Variants in COL5A3 observed in about 807,000 individuals in gnomAD.
COL5A3 encodes collagen type V alpha 3 chain.
In COL5A3, 172 loss-of-function variants were observed where a neutral mutation model predicts 250.0. The ratio of observed to expected loss-of-function variants is 0.69; its 90% CI spans 0.61 to 0.78. The LOEUF is 0.78. Ranked by LOEUF, COL5A3 falls within the 30% of genes least tolerant of loss-of-function variation. The pLI is 0.00. For missense variants in COL5A3, 2,340 were observed against 2,334.4 expected (o/e 1.00, Z -0.05); for synonymous variants, 937 against 900.4 (o/e 1.04, Z -0.73).
At chr19:9,986,967 G>A (rs1179145440) in intron 27 of COL5A3, among the ~76,000 whole-genome samples, 1 of 152,188 alleles carries the variant, frequency 6.6e-6, no homozygotes, top group African/African-American at 2.4e-5. Flanking sequence ...GGGGTGTGCA[G>A]GGAAGGCCAA....
chr19:9,980,448 A>G (rs1294199614), intron 35 of COL5A3, among the ~76,000 whole-genome samples, 200 bp downstream of exon 35: 1 of 151,952 alleles, frequency 6.6e-6, no homozygotes, highest in Admixed American at 6.6e-5. Context: ...TTCAGCTTCC[A>G]ACTCCTGGGC....
rs1158942839 is a variant in COL5A3, at chr19:9,968,647, G to A, written c.4206+28C>T. ...GGAGGGAAAGAGGGGAGGAGATGGG[G>A]AAGAGAATAATGGAATGATGTCCTT... On this transcript the variant is annotated intron_variant, in intron 58 of 66. Transcript: ENST00000264828. The surrounding 1 kb of genome is among the most constrained non-coding windows in gnomAD (Gnocchi z 4.1). 16 of 1,607,458 alleles carry A rather than the reference G, an allele frequency of 1.0e-5. No homozygotes were observed. Among genetic ancestry groups the A allele is most frequent in the African/African-American group, 1.3e-5 (1 of 74,954 alleles).
At position 9,973,913 on chromosome 19, in the gene COL5A3, T is replaced by G. The variant is rs1599538533; in HGVS notation, c.3558+6A>C. ...TGAGCCTTCCTGGCCCCCCAAGAGT[T>G]CTCACCTCTGATCCAGTGGGGCCTT... On this transcript the variant is annotated splice_donor_region_variant and intron_variant, in intron 48 of 66. Coordinates refer to ENST00000264828, the MANE Select transcript of COL5A3 (RefSeq NM_015719.4). The G allele has an allele frequency of 7.0e-6, 11 of 1,581,090 alleles. No individual in the cohort carries two copies. The East Asian group carries it at 2.3e-4, about 32-fold the overall frequency.
rs911151476 is a variant in COL5A3, at chr19:9,962,723, C to A, written c.4851+96G>T. 29 of 935,716 alleles carry A rather than the reference C, an allele frequency of 3.1e-5. 1 individual carries two copies. Among genetic ancestry groups the A allele is most frequent in the South Asian group, 1.7e-4 (11 of 64,326 alleles). 58.0% of individuals were successfully genotyped at this position (935,716 alleles called of 1,614,324 possible). On this transcript the variant is annotated intron_variant, in intron 65 of 66. Coordinates refer to ENST00000264828, the MANE Select transcript of COL5A3 (RefSeq NM_015719.4). Reference sequence around the variant, plus strand: ...CCTAGGAAGGTAGAGGAAAGCCTATCCTCTTCATCTCACCTCTCAGAACCC... The same window carrying A: ...CCTAGGAAGGTAGAGGAAAGCCTATACTCTTCATCTCACCTCTCAGAACCC...
At position 9,970,627 on chromosome 19, in the gene COL5A3, T is replaced by C. The variant is rs200284415; in HGVS notation, c.3931A>G (p.Lys1311Glu). The change falls in exon 54 of 67, where the codon AAG (lysine) becomes GAG (glutamate). Residue 1311 changes from lysine to glutamate, a missense_variant. Transcript: ENST00000264828. ...GEPGAPGPPG[K>E]RGPSGHMGRE... is the part of the protein sequence containing the mutation. ...GGAGGTGGCTTATCACTTACCCTCTTGCCGGGGGGCCCGGGGGCGCCGGGC... is the reference window on the plus strand; with the variant it reads ...GGAGGTGGCTTATCACTTACCCTCTCGCCGGGGGGCCCGGGGGCGCCGGGC... 1.8e-4 allele frequency: 263 copies of C among 1,448,942 alleles called. No individual in the cohort carries two copies. Among genetic ancestry groups the C allele is most frequent in the Non-Finnish European group, 2.3e-4 (251 of 1,102,258 alleles). The allele number at this position is 1,448,942 out of a possible 1,614,324, so 89.8% of individuals were successfully genotyped here.
In COL5A3 at chr19:9,993,809, A is replaced by G. The variant is rs771142465; in HGVS notation, c.1588-3T>C. 158 of 1,614,054 alleles carry G rather than the reference A, an allele frequency of 9.8e-5. 2 individuals are homozygous for G. The South Asian group carries it at 1.2e-3, about 12-fold the overall frequency. ...GCTCCATCTGCTCCAGGGCGGCCCTATGGAGAAAGTAAGCCCAAGAGTCAA... is the reference window on the plus strand; with the variant it reads ...GCTCCATCTGCTCCAGGGCGGCCCTGTGGAGAAAGTAAGCCCAAGAGTCAA... On this transcript the variant is annotated splice_polypyrimidine_tract_variant and splice_region_variant and intron_variant, in intron 16 of 66. Coordinates refer to ENST00000264828, the MANE Select transcript of COL5A3 (RefSeq NM_015719.4).
Position 9,972,909 on chromosome 19 carries a change from C to A in COL5A3, c.3774+10G>T, listed in dbSNP as rs199670856. 1.3e-5 allele frequency: 21 copies of A among 1,595,826 alleles called. No homozygotes were observed. Among genetic ancestry groups the A allele is most frequent in the Admixed American group, 8.7e-5 (5 of 57,326 alleles). On this transcript the variant is annotated intron_variant, in intron 51 of 66. Transcript: ENST00000264828. ...TCCCATGTCTGCCCCCACTTCCCCC[C>A]AGGACTCACCACGCTCCCTTTGGCT...
At chr19:9,965,458 C>CTTTTTTT (rs781503204) in intron 64 of COL5A3, among the ~76,000 whole-genome samples, 1 of 139,520 alleles carries the variant, frequency 7.2e-6, no homozygotes. Flanking sequence ...GCCCGGCCTT[C>CTTTTTTT]TTTTTTTTTT....
Position 9,967,360 on chromosome 19 carries a change from G to A in COL5A3, c.4445C>T (p.Pro1482Leu), listed in dbSNP as rs2086765395. ...GPRGDTGPAG[P>L]PGPPGAPAEL... is the part of the protein sequence containing the mutation. ...CGGGGAACTCACCGGGGGGCCTGGT[G>A]GGCCTGCAGGTCCAGTGTCTCCACG... is the stretch of plus-strand genomic sequence containing the variant. Residue 1482 changes from proline to leucine, a missense_variant, in exon 62 of 67, where the codon CCA (proline) becomes CTA (leucine). By Grantham distance (98) the Pro-to-Leu change is moderately conservative. Transcript: ENST00000264828. 9.7e-6 allele frequency: 14 copies of A among 1,448,270 alleles called. No homozygotes were observed. The highest frequency in any genetic ancestry group is 1.2e-5 in the Non-Finnish European group (13 of 1,106,722). The allele number at this position is 1,448,270 out of a possible 1,614,324, so 89.7% of individuals were successfully genotyped here.
chr19:9,988,833 C>CAAAAAAAAAAAAAAAAAAAA (rs67181648), intron 27 of COL5A3, among the ~76,000 whole-genome samples: 7 of 39,422 alleles, frequency 1.8e-4, no homozygotes, highest in Non-Finnish European at 1.7e-4. Flanking sequence ...GACTCTGTCT[C>CAAAAAAAAAAAAAAAAAAAA]AAAAAAAAAA....
At chr19:9,965,441 C>A (rs2086729212) in intron 64 of COL5A3, among the ~76,000 whole-genome samples, 1 of 149,906 alleles carries the variant, frequency 6.7e-6, no homozygotes, top group Non-Finnish European at 1.5e-5. Context: ...CAGGAGTGAG[C>A]CACCGCGCCC....
chr19:9,968,500 A>G lies in COL5A3; in HGVS notation c.4207-8T>C, dbSNP rs764445873. ...GATCAATCCAATGTGGCCCTGAAGGACAAAAGAGGCACAGACAGGGGAGGA... is the reference window on the plus strand; with the variant it reads ...GATCAATCCAATGTGGCCCTGAAGGGCAAAAGAGGCACAGACAGGGGAGGA... On this transcript the variant is annotated splice_polypyrimidine_tract_variant and splice_region_variant and intron_variant, in intron 58 of 66. Transcript: ENST00000264828. This position sits in a 1 kb window ranked among gnomAD's most constrained non-coding sequence, Gnocchi z 4.1. 3.2e-6 allele frequency: 5 copies of G among 1,582,932 alleles called. No individual in the cohort carries two copies. In the African/African-American group the frequency reaches 6.9e-5, roughly 22 times the overall value.
rs866646761 is a variant in COL5A3 at position 9,998,120 on chromosome 19, C to A, written c.1140G>T (p.Glu380Asp). The A allele has an allele frequency of 2.5e-6, 4 of 1,613,922 alleles. No individual in the cohort carries two copies. Among genetic ancestry groups the A allele is most frequent in the Non-Finnish European group, 3.4e-6 (4 of 1,179,958 alleles). ...PGAGEKGAKG[E>D]PAVIEKGQQF... ...CCCTCACCTTTTCAATCACTGCGGG[C>A]TCTCCTTTTGCTCCTTTCTCTCCAG... is the stretch of plus-strand genomic sequence containing the variant. Residue 380 changes from glutamate (E) to aspartate (D), a missense_variant, in exon 9 of 67, where the codon GAG (glutamate) becomes GAT (aspartate). Glu to Asp is a conservative substitution (Grantham distance 45). Transcript: ENST00000264828.
At chr19:10,006,444 G>A (rs1425699080) in intron 1 of COL5A3, among the ~76,000 whole-genome samples, 1 of 150,264 alleles carries the variant, frequency 6.7e-6, no homozygotes, top group Non-Finnish European at 1.5e-5. Context: ...TCAGCAGCTT[G>A]TTGACTCTGT....
intron 1 of COL5A3, among the ~76,000 whole-genome samples, chr19:10,008,969 C>T (rs1397005238): frequency 1.3e-5 from 2 of 151,942 alleles, no homozygotes; most frequent in African/African-American, 2.4e-5. Context: ...GACCATTTGG[C>T]GGGTGGCTGA....
chr19:9,998,479 T>C (rs538213016), intron 8 of COL5A3, among the ~76,000 whole-genome samples: 3 of 152,126 alleles, frequency 2.0e-5, no homozygotes, highest in African/African-American at 7.2e-5. Flanking sequence ...AGGTAACCGG[T>C]CAACCTGTAA....
rs774369177 is a variant in COL5A3, at chr19:9,993,452, G to T, written c.1696-19C>A. ...AGTCACCCTGGAGAGGGAACAGAGGGGAGTTCAGAGTGGAAGGGTGTGGGC... is the reference window on the plus strand; with the variant it reads ...AGTCACCCTGGAGAGGGAACAGAGGTGAGTTCAGAGTGGAAGGGTGTGGGC... On this transcript the variant is annotated intron_variant, in intron 18 of 66. Coordinates refer to ENST00000264828, the MANE Select transcript of COL5A3 (RefSeq NM_015719.4). The T allele has an allele frequency of 6.2e-7, 1 of 1,613,826 alleles. No individual in the cohort carries two copies. The highest frequency in any genetic ancestry group is 1.1e-5 in the South Asian group (1 of 91,032).
rs2086743991 is a variant in COL5A3, at chr19:9,966,326, C to T, written c.4770G>A (p.Lys1590=). ...TTGGGTTACTCACGATCTCAAACTT[C>T]TTGTCGGGATAGAGGCAGGTCTCTC... is the stretch of plus-strand genomic sequence containing the variant. ...AGGETCLYPD[K]KFEIVKLASW... The change falls in exon 64 of 67, where the codon AAG becomes AAA. Residue 1590 remains lysine (K), a synonymous_variant. Coordinates refer to ENST00000264828, the MANE Select transcript of COL5A3 (RefSeq NM_015719.4). The T allele has an allele frequency of 1.2e-6, 2 of 1,606,688 alleles. No individual in the cohort carries two copies. Among genetic ancestry groups the T allele is most frequent in the East Asian group, 4.5e-5 (2 of 44,822 alleles).
chr19:9,980,955 C>A, intron 33 of COL5A3, 96 bp from the exon 34 acceptor site: 1 of 1,499,148 alleles, frequency 6.7e-7, no homozygotes, highest in Non-Finnish European at 9.2e-7. Flanking sequence ...TTGTGACTCC[C>A]TCTCCTGCCC....
Sources: allele counts gnomAD v4.1 joint callset (sites outside exome capture counted in the v4.1 genomes callset), GRCh38; gene constraint gnomAD v4.1.1; non-coding constraint Gnocchi (gnomAD v3.1); transcripts MANE v1.5; gene names NCBI Gene and HGNC (gene_info 2026-07-23, HGNC 2026-07-21).